IL22: variants seen among roughly 807,000 people sequenced by gnomAD.
IL22 encodes interleukin-22.
IL22 carries 15 observed loss-of-function variants against 15.5 expected under a neutral mutation model. That is an observed-to-expected ratio of 0.97 (90% confidence interval 0.65 to 1.49). The LOEUF (loss-of-function observed/expected upper bound fraction) is 1.49, where lower values mean the gene tolerates loss of function less well. Among genes scored for constraint, IL22 ranks in the 40% most tolerant of loss-of-function variants. The probability of loss-of-function intolerance (pLI) is 0.00; values close to 1 mark genes in which losing one functional copy is unlikely to be tolerated. For missense variants in IL22, 225 were observed against 215.4 expected (o/e 1.04, Z -0.28); for synonymous variants, 91 against 82.0 (o/e 1.11, Z -0.60).
In IL22 at chr12:68,252,728, C is replaced by T. The variant is rs548755284; in HGVS notation, c.252+36G>A. The T allele has an allele frequency of 1.1e-4, 171 of 1,611,684 alleles. 1 individual carries two copies. The East Asian group carries it at 2.7e-3, about 26-fold the overall frequency. On this transcript the variant is annotated intron_variant, in intron 3 of 5. Transcript: ENST00000538666. ...CACCACCACCCCAAGTACCCATGGA[C>T]GGCACACGGCCCTGTTCGTCACAAC...
Position 68,248,658 on chromosome 12 carries a change from G to A in IL22, c.*141C>T. The A allele has an allele frequency of 3.0e-6, 2 of 659,568 alleles. No individual in the cohort carries two copies. The allele number at this position is 659,568 out of a possible 1,614,324, so 40.9% of individuals were successfully genotyped here. ...TTGGTTTCCTTTGTAACTAACGCAG[G>A]GGTTCATTTGGAATCCACCCATCAT... is the stretch of plus-strand genomic sequence containing the variant. On this transcript the variant is annotated 3_prime_UTR_variant, in exon 6 of 6. Transcript: ENST00000538666.
intron 5 of IL22, among the ~76,000 whole-genome samples, chr12:68,249,272 G>A (rs896619760): frequency 3.3e-5 from 5 of 152,310 alleles, no homozygotes; most frequent in South Asian, 4.1e-4. Flanking sequence ...CTTATAAGGA[G>A]CTTGTCCAAC....
intron 4 of IL22, 93 bp downstream of exon 4, chr12:68,252,411 G>T: frequency 7.9e-7 from 1 of 1,264,804 alleles, no homozygotes; most frequent in Admixed American, 1.8e-5. Flanking sequence ...GCTAGCTTAG[G>T]GGTAGGGGGA....
At position 68,252,780 on chromosome 12, in the gene IL22, A is replaced by C; in HGVS notation, c.236T>G (p.Leu79Arg). ...NTDVRLIGEK[L>R]FHGVSMSERC... ...GTAGCTTACACTGACTCCGTGGAAC[A>C]GTTTCTCCCCAATGAGACGAACGTC... The change falls in exon 3 of 6, where the codon CTG (leucine) becomes CGG (arginine). Residue 79 changes from leucine to arginine, a missense_variant. Leu to Arg is a moderately radical substitution (Grantham distance 102). Coordinates refer to ENST00000538666, the MANE Select transcript of IL22 (RefSeq NM_020525.5). 1 of 1,614,026 alleles carries C rather than the reference A, an allele frequency of 6.2e-7. No individual in the cohort carries two copies. The highest frequency in any genetic ancestry group is 1.1e-5 in the South Asian group (1 of 91,086).
At chr12:68,249,313 A>T (rs1451419392) in intron 5 of IL22, among the ~76,000 whole-genome samples, 1 of 152,240 alleles carries the variant, frequency 6.6e-6, no homozygotes, top group East Asian at 1.9e-4. Flanking sequence ...ATGGCCCAGG[A>T]CAGCTTTGAA....
chr12:68,251,827 G>T (rs1378560212), intron 4 of IL22, among the ~76,000 whole-genome samples: 1 of 152,182 alleles, frequency 6.6e-6, no homozygotes, highest in African/African-American at 2.4e-5. Flanking sequence ...GTTTGCATTT[G>T]TGGAAAGAGC....
intron 5 of IL22, among the ~76,000 whole-genome samples, chr12:68,249,871 T>G (rs890815221): frequency 6.6e-6 from 1 of 152,244 alleles, no homozygotes; most frequent in African/African-American, 2.4e-5. Context: ...CTTTCCATAC[T>G]TCTTTTGACA....
intron 3 of IL22, 26 bp downstream of exon 3, chr12:68,252,738 C>T (rs762100185): frequency 2.0e-5 from 32 of 1,612,500 alleles, no homozygotes; most frequent in Non-Finnish European, 2.7e-5. Context: ...CGGCACACGG[C>T]CCTGTTCGTC....
Position 68,252,554 on chromosome 12 carries a change from G to A in IL22, c.346C>T (p.Gln116Ter). The A allele has an allele frequency of 6.2e-7, 1 of 1,614,036 alleles. No homozygotes were observed. Among genetic ancestry groups the A allele is most frequent in the Non-Finnish European group, 8.5e-7 (1 of 1,179,950 alleles). The change falls in exon 4 of 6, where the codon CAG becomes TAG. Residue 116 changes from glutamine to a stop codon, truncating the protein, a stop_gained. Coordinates refer to ENST00000538666, the MANE Select transcript of IL22 (RefSeq NM_020525.5). LOFTEE classifies it high-confidence loss of function. The part of the protein sequence containing the change: ...PQSDRFQPYM[Q>*]EVVPFLARLS... ...CTGGCCAGGAAGGGCACCACCTCCT[G>A]CATATAAGGCTGGAACCTATCAGAT...
At chr12:68,252,685 T>C (rs563270852) in intron 3 of IL22, 38 bp from the exon 4 acceptor site, 1 of 1,613,596 alleles carries the variant, frequency 6.2e-7, no homozygotes, top group South Asian at 1.1e-5. Flanking sequence ...TCATAAGGGA[T>C]AAGACCTAAA....
rs566784107 is a variant in IL22 at position 68,253,487 on chromosome 12, A to G, written c.-39T>C. ...AACTCGAGCAACTGGTGACTGGGGA[A>G]GGAGAACCTGGTCGAAGACAACGTG... On this transcript the variant is annotated 5_prime_UTR_variant, in exon 2 of 6. Coordinates refer to ENST00000538666, the MANE Select transcript of IL22 (RefSeq NM_020525.5). The G allele has an allele frequency of 1.3e-6, 2 of 1,489,420 alleles. No homozygotes were observed. The highest frequency in any genetic ancestry group is 4.1e-5 in the Admixed American group (2 of 49,138). 92.3% of individuals were successfully genotyped at this position (1,489,420 alleles called of 1,614,324 possible).
At position 68,248,734 on chromosome 12, in the gene IL22, G is replaced by A; in HGVS notation, c.*65C>T. On this transcript the variant is annotated 3_prime_UTR_variant, in exon 6 of 6. Coordinates refer to ENST00000538666, the MANE Select transcript of IL22 (RefSeq NM_020525.5). ...TTTTGGTTAAAAAAAATCGCTTTGGGGCATCTAATTGTTATTTCTAGCAGG... is the reference window on the plus strand; with the variant it reads ...TTTTGGTTAAAAAAAATCGCTTTGGAGCATCTAATTGTTATTTCTAGCAGG... 7.6e-7 allele frequency: 1 copy of A among 1,317,810 alleles called. No homozygotes were observed. The allele number at this position is 1,317,810 out of a possible 1,614,324, so 81.6% of individuals were successfully genotyped here.
chr12:68,252,579 T>C lies in IL22; in HGVS notation c.321A>G (p.Gln107=), dbSNP rs750826831. The change falls in exon 4 of 6, where the codon CAA becomes CAG. Residue 107 remains glutamine, a synonymous_variant. Coordinates refer to ENST00000538666, the MANE Select transcript of IL22 (RefSeq NM_020525.5). ...GCATATAAGGCTGGAACCTATCAGA[T>C]TGAGGGAACAGCACTTCTTCAAGGG... ...NFTLEEVLFP[Q]SDRFQPYMQE... The C allele has an allele frequency of 2.1e-5, 34 of 1,613,806 alleles. No homozygotes were observed. Among genetic ancestry groups the C allele is most frequent in the African/African-American group, 2.7e-5 (2 of 74,876 alleles).
intron 2 of IL22, 37 bp downstream of exon 2, chr12:68,253,226 T>C: frequency 6.4e-7 from 1 of 1,555,858 alleles, no homozygotes; most frequent in Non-Finnish European, 8.8e-7. Flanking sequence ...GGATTCCAAG[T>C]AGATCCAACG....
In IL22 at chr12:68,248,777, T is replaced by C. The variant is rs1221725188; in HGVS notation, c.*22A>G. On this transcript the variant is annotated 3_prime_UTR_variant, in exon 6 of 6. Transcript: ENST00000538666. ...CTAGCAGGGAAAGGGGGTTAGTTATTCATTTTTCAGCTTTGCTCTGGTCAA... is the reference window on the plus strand; with the variant it reads ...CTAGCAGGGAAAGGGGGTTAGTTATCCATTTTTCAGCTTTGCTCTGGTCAA... The C allele has an allele frequency of 2.5e-6, 4 of 1,590,522 alleles. No individual in the cohort carries two copies. The highest frequency in any genetic ancestry group is 2.2e-5 in the East Asian group (1 of 44,558).
At chr12:68,251,677 G>A in intron 4 of IL22, 99 bp from the exon 5 acceptor site, 1 of 903,778 alleles carries the variant, frequency 1.1e-6, no homozygotes. Context: ...TGGAATTAAA[G>A]CTCTTAGTAA....
At chr12:68,253,222 C>T in intron 2 of IL22, 41 bp downstream of exon 2, 1 of 1,538,674 alleles carries the variant, frequency 6.5e-7, no homozygotes, top group Non-Finnish European at 8.9e-7. Flanking sequence ...ATTTGGATTC[C>T]AAGTAGATCC....
At position 68,253,395 on chromosome 12, in the gene IL22, G is replaced by T. The variant is rs1253002763; in HGVS notation, c.54C>A (p.Thr18=). 11 of 1,612,770 alleles carry T rather than the reference G, an allele frequency of 6.8e-6. No homozygotes were observed. The highest frequency in any genetic ancestry group is 8.5e-6 in the Non-Finnish European group (10 of 1,179,248). The change falls in exon 2 of 6, where the codon ACC becomes ACA. Residue 18 remains threonine (T), a synonymous_variant. Coordinates refer to ENST00000538666, the MANE Select transcript of IL22 (RefSeq NM_020525.5). Reference sequence around the variant, plus strand: ...AGAGGGCCAAGAGAAGGAGGCAGCTGGTGGCCAGGGTCCCCATAAGGAAAG... The same window carrying T: ...AGAGGGCCAAGAGAAGGAGGCAGCTTGTGGCCAGGGTCCCCATAAGGAAAG... The part of the protein sequence containing the change: ...VSSFLMGTLA[T]SCLLLLALLV...
At chr12:68,249,002 C>G in intron 5 of IL22, 126 bp from the exon 6 acceptor site, 1 of 742,352 alleles carries the variant, frequency 1.3e-6, no homozygotes, top group Non-Finnish European at 2.3e-6. Context: ...GTAAAACATT[C>G]ATAGTAATAT....
Sources: gnomAD v4.1 joint callset for allele counts (sites outside exome capture counted in the v4.1 genomes callset) on GRCh38, gnomAD v4.1.1 for gene constraint, MANE v1.5 for transcripts, NCBI Gene and HGNC (gene_info 2026-07-23, HGNC 2026-07-21) for gene names.